IGF1: variants seen among roughly 807,000 people sequenced by gnomAD.
IGF1 encodes the protein insulin like growth factor 1.
IGF1 carries 4 observed loss-of-function variants against 13.8 expected under a neutral mutation model. The observed-to-expected ratio is 0.29, with a 90% CI of 0.14 to 0.66. The LOEUF (loss-of-function observed/expected upper bound fraction) is 0.66. IGF1 is among the 30% of genes least tolerant of loss of function. The pLI, the probability that IGF1 is intolerant of heterozygous loss-of-function variation, is 0.78. For missense variants in IGF1, 124 were observed against 188.5 expected, an observed-to-expected ratio of 0.66 and a Z score of 2.00; for synonymous variants, 76 against 72.6, an observed-to-expected ratio of 1.05 and a Z score of -0.23.
intron 3 of IGF1, among the ~76,000 whole-genome samples, chr12:102,408,964 C>T (rs1874405083): frequency 1.3e-5 from 2 of 151,164 alleles, no homozygotes; most frequent in Admixed American, 1.3e-4. Context: ...CATTTAACAC[C>T]TTCTCATCTT....
chr12:102,409,465 CCT>C (rs1309136370), intron 3 of IGF1, among the ~76,000 whole-genome samples: 2 of 152,330 alleles, frequency 1.3e-5, no homozygotes, highest in East Asian at 3.9e-4. Context: ...ATGCGAATTT[CCT>C]GCAGGAATGA....
intron 2 of IGF1, among the ~76,000 whole-genome samples, chr12:102,442,379 A>T (rs1196137035): frequency 6.6e-6 from 1 of 152,110 alleles, no homozygotes; most frequent in Non-Finnish European, 1.5e-5. Flanking sequence ...AGTACTTGAC[A>T]TGGGATTTTA....
intron 3 of IGF1, among the ~76,000 whole-genome samples, chr12:102,406,683 G>A (rs181433002): frequency 3.9e-5 from 6 of 152,188 alleles, no homozygotes; most frequent in Admixed American, 3.3e-4. Flanking sequence ...GGACAGACAC[G>A]CATATTTAGG....
chr12:102,425,177 C>T (rs1263519619), intron 2 of IGF1, among the ~76,000 whole-genome samples: 1 of 152,082 alleles, frequency 6.6e-6, no homozygotes, highest in East Asian at 1.9e-4. Context: ...TGCTAGGAGA[C>T]CCTGTACATT....
intron 2 of IGF1, among the ~76,000 whole-genome samples, chr12:102,456,214 T>G (rs1592810457): frequency 1.4e-5 from 2 of 139,508 alleles, no homozygotes; most frequent in Non-Finnish European, 3.1e-5. Context: ...TTTTTCCATT[T>G]AAAAAAGGTG....
At chr12:102,436,791 G>A (rs1877269491) in intron 2 of IGF1, among the ~76,000 whole-genome samples, 2 of 152,226 alleles carry the variant, frequency 1.3e-5, no homozygotes, top group African/African-American at 4.8e-5. Context: ...AGGAAACAGG[G>A]TTAATTAATC....
intron 1 of IGF1, chr12:102,478,341 C>A: frequency 2.0e-6 from 1 of 487,948 alleles, no homozygotes; most frequent in East Asian, 3.5e-5. Context: ...AAAACACTTT[C>A]TCAAAAATCA....
intron 3 of IGF1, among the ~76,000 whole-genome samples, chr12:102,412,435 A>T (rs1170431773): frequency 6.6e-6 from 1 of 152,074 alleles, no homozygotes; most frequent in Non-Finnish European, 1.5e-5. Context: ...AAGGGGAGAA[A>T]CTAATCCCCT....
At chr12:102,425,439 C>G (rs927578277) in intron 2 of IGF1, among the ~76,000 whole-genome samples, 22 of 152,284 alleles carry the variant, frequency 1.4e-4, no homozygotes, top group African/African-American at 4.8e-4. Context: ...GACCTGCCCC[C>G]ACCCTCACTA....
intron 2 of IGF1, among the ~76,000 whole-genome samples, chr12:102,452,209 C>G (rs936723186): frequency 1.5e-5 from 2 of 129,736 alleles, no homozygotes; most frequent in African/African-American, 2.8e-5. Flanking sequence ...TTGCAGTGAG[C>G]CGAGATCGCG....
chr12:102,428,046 G>A (rs984192344), intron 2 of IGF1, among the ~76,000 whole-genome samples: 4 of 151,466 alleles, frequency 2.6e-5, no homozygotes, highest in Admixed American at 1.3e-4. Flanking sequence ...AGGCAATATG[G>A]TATATTGAAA....
intron 2 of IGF1, among the ~76,000 whole-genome samples, chr12:102,460,401 C>T (rs1402590684): frequency 6.6e-6 from 1 of 152,142 alleles, no homozygotes; most frequent in Non-Finnish European, 1.5e-5. Flanking sequence ...GAGAACTATT[C>T]CCATCTGACT....
intron 3 of IGF1, among the ~76,000 whole-genome samples, chr12:102,416,926 G>A (rs1875191988): frequency 2.0e-5 from 3 of 152,160 alleles, no homozygotes; most frequent in Admixed American, 2.0e-4. Context: ...CAACCTGGCT[G>A]GTGTTGTTTC....
chr12:102,459,031 G>T (rs1489731809), intron 2 of IGF1, among the ~76,000 whole-genome samples: 1 of 152,162 alleles, frequency 6.6e-6, no homozygotes, highest in Admixed American at 6.5e-5. Flanking sequence ...GAGAGTGGTG[G>T]GGGGTTTTTG....
rs762745129 is a variant in IGF1, at chr12:102,402,395, A to C, written c.*112T>G. 19 of 776,338 alleles carry C rather than the reference A, an allele frequency of 2.4e-5. No homozygotes were observed. The highest frequency in any genetic ancestry group is 4.6e-5 in the Non-Finnish European group (19 of 415,728). The allele number at this position is 776,338 out of a possible 1,614,324, so 48.1% of individuals were successfully genotyped here. A position where few individuals can be genotyped will look rare whatever the true frequency, so the allele number is the denominator to read the frequency against. On this transcript the variant is annotated 3_prime_UTR_variant, in exon 4 of 4. Coordinates refer to ENST00000337514, the MANE Select transcript of IGF1 (RefSeq NM_000618.5). ...TCATTGGGGGAAACGCCCATCTTTT[A>C]AATGTTATCAAACTTATTTTTTGGT...
At chr12:102,416,710 G>C (rs1320113897) in intron 3 of IGF1, among the ~76,000 whole-genome samples, 2 of 152,182 alleles carry the variant, frequency 1.3e-5, no homozygotes, top group Admixed American at 6.5e-5. Context: ...TGGTGGGGTG[G>C]TGGAGGGGAG....
intron 2 of IGF1, among the ~76,000 whole-genome samples, chr12:102,431,631 C>A (rs527602428): frequency 6.6e-6 from 1 of 152,064 alleles, no homozygotes; most frequent in Admixed American, 6.6e-5. Context: ...CTCGGGAACA[C>A]CTTGAAAGTG....
chr12:102,479,857 A>G (rs1243371686), intron 1 of IGF1, among the ~76,000 whole-genome samples: 1 of 152,166 alleles, frequency 6.6e-6, no homozygotes, highest in African/African-American at 2.4e-5. Context: ...CTTCATATAT[A>G]GCATGCCTTG....
At chr12:102,428,720 C>T (rs1379363369) in intron 2 of IGF1, among the ~76,000 whole-genome samples, 1 of 152,148 alleles carries the variant, frequency 6.6e-6, no homozygotes, top group African/African-American at 2.4e-5. Flanking sequence ...CTCTTTCGGC[C>T]CCAGGAGGAC....
Sources: allele counts gnomAD v4.1 joint callset (sites outside exome capture counted in the v4.1 genomes callset), GRCh38; gene constraint gnomAD v4.1.1; transcripts MANE v1.5; gene names NCBI Gene and HGNC (gene_info 2026-07-23, HGNC 2026-07-21).